The following L1CAM variants were observed in gnomAD, a reference collection of about 807,000 sequenced individuals.
The protein encoded by L1CAM is L1 cell adhesion molecule, also known as neural cell adhesion molecule L1.
Under a neutral mutation model 93.0 loss-of-function variants are expected in L1CAM, and 8 were observed. That is an observed-to-expected ratio of 0.09 (90% confidence interval 0.05 to 0.16). The LOEUF is 0.16. Among genes scored for constraint, L1CAM ranks in the 10% least tolerant of loss-of-function variants. The pLI is 1.00. For missense variants in L1CAM, 777 were observed against 1,073.4 expected (o/e 0.72, Z 3.86); for synonymous variants, 453 against 453.0 (o/e 1.00, Z 0.00).
rs782602312 is a variant in L1CAM at position 153,868,574 on chromosome X, G to A, written c.1533C>T (p.Asn511=). 2 of 1,212,181 alleles carry A rather than the reference G, an allele frequency of 1.6e-6. No homozygotes were observed. The highest frequency in any genetic ancestry group is 4.3e-5 in the Admixed American group (2 of 46,099). ...GGGTTGCCTGACCTTTAACCTTCAG[G>A]TTAGCCATGATGGTAACATTGTTTT... ...NDQNNVTIMA[N]LKVKDATQIT... Residue 511 remains asparagine, a synonymous_variant, in exon 13 of 29, where the codon AAC becomes AAT. Transcript: ENST00000370060.
rs782595197 is a variant in L1CAM, at chrX:153,864,558, C to T, written c.3166+27G>A. On this transcript the variant is annotated intron_variant, in intron 24 of 28. Transcript: ENST00000370060. The stretch of plus-strand genomic sequence containing the variant: ...TGGCCCAGAGCCCCCTTCCCCACCA[C>T]GCCCCAAGGCCCCCTTTCACGCTTA... 4.2e-5 allele frequency: 50 copies of T among 1,204,258 alleles called. 1 individual carries two copies. The highest frequency in any genetic ancestry group is 1.3e-4 in the Admixed American group (6 of 45,746).
intron 2 of L1CAM, among the ~76,000 whole-genome samples, chrX:153,874,535 A>G (rs183270654): frequency 8.9e-6 from 1 of 112,247 alleles, no homozygotes; most frequent in Admixed American, 9.3e-5. Flanking sequence ...CCCTCCATGT[A>G]TGTGTCTAAG....
Position 153,869,791 on chromosome X carries a change from G to A in L1CAM, c.1123+12C>T. The A allele has an allele frequency of 8.3e-7, 1 of 1,210,577 alleles. No homozygotes were observed. The highest frequency in any genetic ancestry group is 1.1e-6 in the Non-Finnish European group (1 of 894,976). The stretch of plus-strand genomic sequence containing the variant: ...CGCCACACTCCCCACTCCTGCCTGA[G>A]GCCCTGCTCACCCTCCACAGGGATC... On this transcript the variant is annotated intron_variant, in intron 10 of 28. Transcript: ENST00000370060.
At chrX:153,883,121 G>A (rs1274274750) in intron 1 of L1CAM, among the ~76,000 whole-genome samples, 1 of 112,060 alleles carries the variant, frequency 8.9e-6, no homozygotes, top group Non-Finnish European at 1.9e-5. Flanking sequence ...GTAGAGTCCA[G>A]CAGAAGGGTG....
intron 3 of L1CAM, 180 bp from the exon 4 acceptor site, chrX:153,872,877 G>T: frequency 2.1e-6 from 1 of 474,402 alleles, no homozygotes; most frequent in Non-Finnish European, 3.7e-6. Context: ...AGGGAGAGAG[G>T]GGACAGCCAC....
chrX:153,867,755 C>G (rs2064727488), intron 16 of L1CAM, 45 bp downstream of exon 16: 2 of 1,133,134 alleles, frequency 1.8e-6, no homozygotes, highest in Middle Eastern at 2.6e-4. Flanking sequence ...GGGGCCAGGG[C>G]TGGCAGAAGT....
At chrX:153,885,881 C>G in intron 1 of L1CAM, 184 bp downstream of exon 1, 1 of 809,381 alleles carries the variant, frequency 1.2e-6, no homozygotes, top group South Asian at 2.9e-5. Context: ...CCCCGCCCCG[C>G]TTACAGCCCG....
Position 153,867,844 on chromosome X carries a change from C to T in L1CAM, c.1895G>A (p.Arg632His), listed in dbSNP as rs199907198. The stretch of plus-strand genomic sequence containing the variant: ...GTCTTCTGCAGGACTCCAGGACACG[C>T]GCACCTGGCTCTGCGTCAGCAGGTG... The part of the protein sequence containing the change: ...DLHLLTQSQV[R>H]VSWSPAEDHN... The change falls in exon 16 of 29, where the codon CGC becomes CAC. Residue 632 changes from arginine to histidine, a missense_variant. Transcript: ENST00000370060. 7 of 1,208,651 alleles carry T rather than the reference C, an allele frequency of 5.8e-6. No individual in the cohort carries two copies. The highest frequency in any genetic ancestry group is 1.8e-5 in the South Asian group (1 of 56,764).
At chrX:153,863,572 C>T (rs782730351) in intron 26 of L1CAM, 23 bp from the exon 27 acceptor site, 7 of 1,175,917 alleles carry the variant, frequency 6.0e-6, no homozygotes, top group Non-Finnish European at 8.1e-6. Flanking sequence ...AGAGGGACAG[C>T]TTCTTCTCCC....
At position 153,863,565 on chromosome X, in the gene L1CAM, G is replaced by A. The variant is rs782435132; in HGVS notation, c.3458-16C>T. On this transcript the variant is annotated splice_polypyrimidine_tract_variant and intron_variant, in intron 26 of 28. Transcript: ENST00000370060. The stretch of plus-strand genomic sequence containing the variant: ...TTATCCTTCACTGGAGACACAGAGA[G>A]GGACAGCTTCTTCTCCCGCCCCAGC... 8.4e-7 allele frequency: 1 copy of A among 1,191,682 alleles called. No homozygotes were observed. Among genetic ancestry groups the A allele is most frequent in the Admixed American group, 2.2e-5 (1 of 45,721 alleles).
Position 153,872,186 on chromosome X carries a change from G to A in L1CAM, c.366C>T (p.Thr122=), listed in dbSNP as rs199586013. 1.6e-5 allele frequency: 19 copies of A among 1,209,728 alleles called. No individual in the cohort carries two copies. Among genetic ancestry groups the A allele is most frequent in the African/African-American group, 5.2e-5 (3 of 57,446 alleles). Residue 122 remains threonine (T), a synonymous_variant, in exon 5 of 29, where the codon ACC becomes ACT. Transcript: ENST00000370060. ...TGAGCCGGATCTCATGGGACATGGC[G>A]GTGCCCAGCTTATTGCTGGCAAAGC... The part of the protein sequence containing the change: ...YRCFASNKLG[T]AMSHEIRLMA...
chrX:153,878,330 G>A (rs782093551), intron 1 of L1CAM, among the ~76,000 whole-genome samples: 1 of 113,195 alleles, frequency 8.8e-6, no homozygotes, highest in Admixed American at 9.3e-5. Flanking sequence ...GGCAGATCCC[G>A]TGGGGACTCT....
At chrX:153,875,984 G>A (rs1339893038) in intron 1 of L1CAM, 40 bp from the exon 2 acceptor site, 4 of 515,896 alleles carry the variant, frequency 7.8e-6, no homozygotes, top group African/African-American at 2.3e-5. Context: ...TGGGGGAAGA[G>A]AGACGAGAGA....
At chrX:153,874,360 A>G (rs2064797502) in intron 2 of L1CAM, among the ~76,000 whole-genome samples, 1 of 113,014 alleles carries the variant, frequency 8.8e-6, no homozygotes, top group African/African-American at 3.2e-5. Flanking sequence ...TATATTGTGT[A>G]TCCACCTCTG....
At position 153,867,137 on chromosome X, in the gene L1CAM, G is replaced by C. The variant is rs1458870341; in HGVS notation, c.2138-13C>G. 1 of 1,187,207 alleles carries C rather than the reference G, an allele frequency of 8.4e-7. No homozygotes were observed. The highest frequency in any genetic ancestry group is 1.1e-6 in the Non-Finnish European group (1 of 874,407). On this transcript the variant is annotated splice_polypyrimidine_tract_variant and intron_variant, in intron 17 of 28. Coordinates refer to ENST00000370060, the MANE Select transcript of L1CAM (RefSeq NM_001278116.2). The stretch of plus-strand genomic sequence containing the variant: ...TTCTTCTCTGGGGCTGGAAAGGAAA[G>C]TATTAACACATCAATGCTGCAGCCT...
chrX:153,881,434 G>A (rs1378104361), intron 1 of L1CAM, among the ~76,000 whole-genome samples: 5 of 111,791 alleles, frequency 4.5e-5, no homozygotes, highest in South Asian at 3.7e-4. Context: ...ATCCTGCCCC[G>A]TGGGGAGGGC....
At chrX:153,883,910 G>C (rs1557096294) in intron 1 of L1CAM, 3 of 340,209 alleles carry the variant, frequency 8.8e-6, no homozygotes, top group Non-Finnish European at 1.8e-5. Context: ...GGGCACACAG[G>C]CCTGTCTCCT....
rs781951957 is a variant in L1CAM, at chrX:153,865,346, C to T, written c.2702G>A (p.Arg901Gln). 5 of 1,211,197 alleles carry T rather than the reference C, an allele frequency of 4.1e-6. No individual in the cohort carries two copies. Among genetic ancestry groups the T allele is most frequent in the South Asian group, 1.8e-5 (1 of 56,990 alleles). The change falls in exon 21 of 29, where the codon CGA (arginine) becomes CAA (glutamine). Residue 901 changes from arginine to glutamine, a missense_variant. Arg to Gln is a conservative substitution (Grantham distance 43). Around this residue, in one of 5 missense-constraint regions of L1CAM, gnomAD observed 574 missense variants for 781.0 expected, o/e 0.73. Transcript: ENST00000370060. ...YHLEVQAFNG[R>Q]GSGPASEFTF... Reference sequence around the variant, plus strand: ...GAACTCGCTGGCGGGCCCCGATCCTCGCCCGTTAAAGGCCTGCACCTCCAG... The same window carrying T: ...GAACTCGCTGGCGGGCCCCGATCCTTGCCCGTTAAAGGCCTGCACCTCCAG...
At position 153,877,967 on chromosome X, in the gene L1CAM, G is replaced by T. The variant is rs377144594; in HGVS notation, c.-108-2023C>A. ...TGTCCATATTCACCTACAAGTAAGG[G>T]GAGCCAAAGACTAAGGGTCTGAAAG... On this transcript the variant is annotated intron_variant, in intron 1 of 28. Transcript: ENST00000370060. Among the ~76,000 whole-genome samples, 24 of 112,368 alleles carry T rather than the reference G, an allele frequency of 2.1e-4. No homozygotes were observed. The East Asian group carries it at 3.1e-3, about 14-fold the overall frequency.
Sources: allele counts gnomAD v4.1 joint callset (sites outside exome capture counted in the v4.1 genomes callset), GRCh38; gene constraint gnomAD v4.1.1; regional missense constraint gnomAD v4.1.1; transcripts MANE v1.5; gene names NCBI Gene and HGNC (gene_info 2026-07-23, HGNC 2026-07-21).